CNTNAP2: variants seen among roughly 807,000 people sequenced by gnomAD.
The protein encoded by CNTNAP2 is contactin associated protein 2.
In CNTNAP2, 98 loss-of-function variants were observed where a neutral mutation model predicts 155.2. The ratio of observed to expected loss-of-function variants is 0.63; its 90% CI spans 0.54 to 0.75. The LOEUF (loss-of-function observed/expected upper bound fraction) is 0.75. CNTNAP2 is among the 30% of genes least tolerant of loss of function. The probability of loss-of-function intolerance (pLI) is 0.00; values close to 1 mark genes in which losing one functional copy is unlikely to be tolerated. For missense variants in CNTNAP2, 1,727 were observed against 1,688.1 expected, an observed-to-expected ratio of 1.02 and a Z score of -0.40; for synonymous variants, 651 against 631.2, an observed-to-expected ratio of 1.03 and a Z score of -0.47.
chr7:147,558,657 T>C (rs1471397867), intron 11 of CNTNAP2, among the ~76,000 whole-genome samples: 1 of 152,224 alleles, frequency 6.6e-6, no homozygotes, highest in Non-Finnish European at 1.5e-5. Context: ...ATAATTGTTA[T>C]ACTTTGAAGA....
chr7:148,035,268 A>G (rs1585089624), intron 15 of CNTNAP2, among the ~76,000 whole-genome samples: 1 of 152,338 alleles, frequency 6.6e-6, no homozygotes, highest in East Asian at 1.9e-4. Context: ...GCCAGGTGCT[A>G]TTTATCAAGA....
At chr7:146,877,546 AAAT>A (rs1456341181) in intron 3 of CNTNAP2, among the ~76,000 whole-genome samples, 2 of 151,534 alleles carry the variant, frequency 1.3e-5, no homozygotes, top group African/African-American at 4.8e-5. Context: ...ATGTGTATAT[AAAT>A]AATATGTGTA....
chr7:146,271,098 G>A (rs1800075303), intron 1 of CNTNAP2, among the ~76,000 whole-genome samples: 1 of 152,110 alleles, frequency 6.6e-6, no homozygotes, highest in South Asian at 2.1e-4. Flanking sequence ...TTCTCAGAAT[G>A]TGTTGTCCTA....
At chr7:147,623,967 A>G (rs1794917916) in intron 12 of CNTNAP2, among the ~76,000 whole-genome samples, 1 of 152,164 alleles carries the variant, frequency 6.6e-6, no homozygotes, top group Admixed American at 6.6e-5. Flanking sequence ...CCACACAGCT[A>G]CAGCGAATTC....
At chr7:146,236,019 A>G (rs765089408) in intron 1 of CNTNAP2, among the ~76,000 whole-genome samples, 2 of 151,850 alleles carry the variant, frequency 1.3e-5, no homozygotes, top group Admixed American at 6.6e-5. Context: ...CTGGTATTCT[A>G]TATTAGCCTA....
At chr7:146,545,634 TG>T (rs1341908731) in intron 1 of CNTNAP2, among the ~76,000 whole-genome samples, 1 of 151,844 alleles carries the variant, frequency 6.6e-6, no homozygotes, top group Non-Finnish European at 1.5e-5. Context: ...GAATGATGGT[TG>T]CCAGCTTCAT....
At chr7:146,676,419 A>G (rs1320269916) in intron 1 of CNTNAP2, among the ~76,000 whole-genome samples, 1 of 150,110 alleles carries the variant, frequency 6.7e-6, no homozygotes. Context: ...TGTACACTCC[A>G]ATTTGTGGCA....
At chr7:148,071,119 C>G (rs1803372004) in intron 15 of CNTNAP2, among the ~76,000 whole-genome samples, 1 of 152,154 alleles carries the variant, frequency 6.6e-6, no homozygotes, top group African/African-American at 2.4e-5. Flanking sequence ...TAGCTTTTCA[C>G]TCTTTCCCCA....
At chr7:148,109,148 T>G (rs1382476050) in intron 15 of CNTNAP2, among the ~76,000 whole-genome samples, 1 of 152,184 alleles carries the variant, frequency 6.6e-6, no homozygotes, top group African/African-American at 2.4e-5. Flanking sequence ...AGAATATCAG[T>G]GTAGTAGTAA....
chr7:146,462,958 T>C (rs1796659433), intron 1 of CNTNAP2, among the ~76,000 whole-genome samples: 1 of 152,014 alleles, frequency 6.6e-6, no homozygotes, highest in South Asian at 2.1e-4. Context: ...AATAACCAGA[T>C]TGATGGAGGA....
chr7:146,681,762 CT>C (rs1350800909), intron 1 of CNTNAP2, among the ~76,000 whole-genome samples: 2 of 152,040 alleles, frequency 1.3e-5, no homozygotes, highest in African/African-American at 2.4e-5. Flanking sequence ...ACCTGTACCC[CT>C]GAACATAAAA....
intron 1 of CNTNAP2, among the ~76,000 whole-genome samples, chr7:146,635,664 C>A: frequency 6.6e-6 from 1 of 152,126 alleles, no homozygotes; most frequent in Non-Finnish European, 1.5e-5. Flanking sequence ...GTTCCACTCA[C>A]AGCAAAGCCC....
chr7:148,054,134 G>T (rs901579434), intron 15 of CNTNAP2, among the ~76,000 whole-genome samples: 1 of 151,858 alleles, frequency 6.6e-6, no homozygotes, highest in Non-Finnish European at 1.5e-5. Context: ...CACCACACCC[G>T]GCTAATTTTT....
intron 13 of CNTNAP2, among the ~76,000 whole-genome samples, chr7:147,693,728 TTTG>T (rs961137874): frequency 2.6e-5 from 4 of 152,072 alleles, no homozygotes; most frequent in African/African-American, 7.2e-5. Flanking sequence ...AGATAGTTTT[TTTG>T]TTGTTGTTGT....
chr7:147,822,826 G>A (rs963864219), intron 13 of CNTNAP2, among the ~76,000 whole-genome samples: 2 of 152,134 alleles, frequency 1.3e-5, no homozygotes, highest in African/African-American at 4.8e-5. Flanking sequence ...TTTAAGGTGT[G>A]AGCTTTTTGC....
intron 10 of CNTNAP2, among the ~76,000 whole-genome samples, chr7:147,466,456 G>T (rs551587948): frequency 3.9e-5 from 6 of 152,138 alleles, no homozygotes; most frequent in African/African-American, 1.2e-4. Flanking sequence ...TGGTTTCTAT[G>T]ACCCACTTTG....
chr7:148,222,214 G>A (rs376411262), intron 19 of CNTNAP2, among the ~76,000 whole-genome samples: 15 of 152,318 alleles, frequency 9.8e-5, no homozygotes, highest in African/African-American at 2.9e-4. Context: ...CCTTTATAGG[G>A]TGTCTTATTT....
intron 20 of CNTNAP2, among the ~76,000 whole-genome samples, chr7:148,256,512 T>C (rs1271709542): frequency 1.3e-5 from 2 of 152,080 alleles, no homozygotes; most frequent in Non-Finnish European, 2.9e-5. Flanking sequence ...TCTCCTCTCT[T>C]ACACTGGAAG....
At chr7:146,426,474 AAC>A (rs1471656761) in intron 1 of CNTNAP2, among the ~76,000 whole-genome samples, 4 of 150,692 alleles carry the variant, frequency 2.7e-5, no homozygotes, top group East Asian at 2.0e-4. Context: ...TATATATATA[AAC>A]ACACACACAT....
Sources: gnomAD v4.1 joint callset for allele counts (sites outside exome capture counted in the v4.1 genomes callset) on GRCh38, gnomAD v4.1.1 for gene constraint, MANE v1.5 for transcripts, NCBI Gene and HGNC (gene_info 2026-07-23, HGNC 2026-07-21) for gene names.